RTL4: variants seen among roughly 807,000 people sequenced by gnomAD.
RTL4 encodes retrotransposon Gag like 4.
In RTL4, 4 loss-of-function variants were observed where a neutral mutation model predicts 5.3. That is an observed-to-expected ratio of 0.75 (90% CI 0.37 to 1.72). RTL4 has a LOEUF of 1.72. RTL4 is among the 40% of genes most tolerant of loss of function. The probability of loss-of-function intolerance (pLI) is 0.04; values close to 1 mark genes in which losing one functional copy is unlikely to be tolerated. For missense variants in RTL4, 260 were observed against 227.1 expected (o/e 1.14, Z -0.93); for synonymous variants, 98 against 87.3 (o/e 1.12, Z -0.68).
At chrX:112,422,431 A>G in the RTL4 span, among the ~76,000 whole-genome samples, 2 of 111,102 alleles carry the variant, frequency 1.8e-5, no homozygotes, top group African/African-American at 6.5e-5. Flanking sequence ...TTGCAAGCTG[A>G]GAGATAGCTG....
the RTL4 span, among the ~76,000 whole-genome samples, chrX:112,299,889 T>C: frequency 9.0e-6 from 1 of 111,126 alleles, no homozygotes; most frequent in African/African-American, 3.3e-5. Context: ...TCATACTGTA[T>C]GTGTGTGTGT....
chrX:112,339,357 T>A, the RTL4 span, among the ~76,000 whole-genome samples: 1 of 111,651 alleles, frequency 9.0e-6, no homozygotes, highest in East Asian at 2.8e-4. Context: ...ACTGAGATTG[T>A]CCCAGGTGAA....
the RTL4 span, among the ~76,000 whole-genome samples, chrX:112,288,021 T>C: frequency 7.2e-5 from 8 of 111,332 alleles, no homozygotes; most frequent in Non-Finnish European, 1.1e-4. Flanking sequence ...TTGTAGAGAG[T>C]GTGACTTTGG....
At chrX:112,366,348 A>C in the RTL4 span, among the ~76,000 whole-genome samples, 41 of 111,773 alleles carry the variant, frequency 3.7e-4, no homozygotes, top group Non-Finnish European at 7.0e-4. Context: ...CATCATCATT[A>C]TGTACAAGCC....
At chrX:112,256,257 C>G in the RTL4 span, among the ~76,000 whole-genome samples, 1 of 111,707 alleles carries the variant, frequency 9.0e-6, no homozygotes, top group Non-Finnish European at 1.9e-5. Flanking sequence ...GAACAGTAAG[C>G]TTTCCCCCAC....
At chrX:112,229,272 C>T in the RTL4 span, among the ~76,000 whole-genome samples, 2 of 112,010 alleles carry the variant, frequency 1.8e-5, no homozygotes, top group African/African-American at 6.5e-5. Context: ...ATAGTAGTAA[C>T]CTTCATTGAG....
chrX:112,456,717 C>G (rs774118034), exon 1 of RTL4: 8 of 174,047 alleles, frequency 4.6e-5, no homozygotes, highest in African/African-American at 2.4e-4. Flanking sequence ...TGCTATTGAG[C>G]TCTACCTTTA....
the RTL4 span, among the ~76,000 whole-genome samples, chrX:112,132,619 A>T: frequency 8.9e-6 from 1 of 112,336 alleles, no homozygotes; most frequent in Non-Finnish European, 1.9e-5. Flanking sequence ...GTCTGGAACT[A>T]GAAAGAGAAT....
chrX:112,223,437 C>T, the RTL4 span, among the ~76,000 whole-genome samples: 1 of 111,963 alleles, frequency 8.9e-6, no homozygotes, highest in Non-Finnish European at 1.9e-5. Flanking sequence ...TATCTTGGAT[C>T]TCACTATCCT....
the RTL4 span, among the ~76,000 whole-genome samples, chrX:112,271,627 C>G: frequency 8.9e-6 from 1 of 111,806 alleles, no homozygotes; most frequent in Admixed American, 9.5e-5. Context: ...AGACAAGACT[C>G]TCAATTATTT....
the RTL4 span, among the ~76,000 whole-genome samples, chrX:112,419,595 T>TATATATATATATATA: frequency 2.1e-3 from 58 of 28,141 alleles, 1 homozygote; most frequent in African/African-American, 3.7e-3. Flanking sequence ...ATATATATAT[T>TATATATATATATATA]TTTACATATG....
the RTL4 span, among the ~76,000 whole-genome samples, chrX:112,171,207 T>G: frequency 1.8e-5 from 2 of 111,542 alleles, no homozygotes; most frequent in African/African-American, 6.5e-5. Context: ...GCCTGAAGTT[T>G]TCTTTTTTTG....
At chrX:112,165,792 A>C in the RTL4 span, among the ~76,000 whole-genome samples, 1 of 111,836 alleles carries the variant, frequency 8.9e-6, no homozygotes, top group South Asian at 3.7e-4. Context: ...ATGCTCTTCT[A>C]GCCCCAAGAT....
the RTL4 span, among the ~76,000 whole-genome samples, chrX:112,181,954 G>A: frequency 9.0e-6 from 1 of 111,417 alleles, no homozygotes; most frequent in East Asian, 2.9e-4. Context: ...TCTGGCAGGT[G>A]CCCCTCTGGG....
chrX:112,212,363 G>A, the RTL4 span, among the ~76,000 whole-genome samples: 18 of 111,567 alleles, frequency 1.6e-4, no homozygotes, highest in Non-Finnish European at 3.2e-4. Flanking sequence ...GCGACAGAGC[G>A]AGACTCCGTC....
the RTL4 span, among the ~76,000 whole-genome samples, chrX:112,378,347 A>G: frequency 5.4e-5 from 6 of 111,782 alleles, no homozygotes; most frequent in Non-Finnish European, 9.4e-5. Context: ...ATTGAGCCTG[A>G]ACACACTGAG....
At chrX:112,417,553 T>A in the RTL4 span, among the ~76,000 whole-genome samples, 2 of 111,873 alleles carry the variant, frequency 1.8e-5, no homozygotes, top group Admixed American at 1.9e-4. Context: ...GAATTTCTTA[T>A]AAAAGCCTGT....
exon 1 of RTL4, chrX:112,456,638 A>G: frequency 3.9e-6 from 1 of 258,025 alleles, no homozygotes; most frequent in Non-Finnish European, 7.2e-6. Context: ...GAAGACTGAC[A>G]GCCAGACCCT....
the RTL4 span, among the ~76,000 whole-genome samples, chrX:112,436,107 C>T: frequency 2.7e-5 from 3 of 110,819 alleles, no homozygotes; most frequent in Non-Finnish European, 3.8e-5. Context: ...ATCCCAGCTA[C>T]TCAGGAGGTG....
Sources: allele counts gnomAD v4.1 joint callset (sites outside exome capture counted in the v4.1 genomes callset), GRCh38; gene constraint gnomAD v4.1.1; transcripts MANE v1.5; gene names NCBI Gene and HGNC (gene_info 2026-07-23, HGNC 2026-07-21).